The following PDE8A variants were observed in gnomAD, a reference collection of about 807,000 sequenced individuals.
The protein encoded by PDE8A is phosphodiesterase 8A, also known as high affinity cAMP-specific and IBMX-insensitive 3',5'-cyclic phosphodiesterase 8A.
Under a neutral mutation model 105.0 loss-of-function variants are expected in PDE8A, and 59 were observed. The ratio of observed to expected loss-of-function variants is 0.56; its 90% CI spans 0.46 to 0.70. PDE8A has a LOEUF of 0.70. Among genes scored for constraint, PDE8A ranks in the 30% least tolerant of loss-of-function variants. The probability of loss-of-function intolerance (pLI) is 0.00; values close to 1 mark genes in which losing one functional copy is unlikely to be tolerated. For missense variants in PDE8A, 1,014 were observed against 1,045.9 expected (o/e 0.97, Z 0.42); for synonymous variants, 355 against 371.9 (o/e 0.95, Z 0.52).
rs574823785 is a variant in PDE8A at position 85,123,804 on chromosome 15, ATTAT to A, written c.2085+615_2085+618del. On this transcript the variant is annotated intron_variant, in intron 19 of 21. Coordinates refer to ENST00000394553, the MANE Select transcript of PDE8A (RefSeq NM_002605.3). Reference sequence around the variant, plus strand: ...GAATTTAGTTTTTATTGGTTAAAAAATTATTTAAAGTGCAAAAACTTGGCAGGAA... The same window carrying A: ...GAATTTAGTTTTTATTGGTTAAAAAATTAAAGTGCAAAAACTTGGCAGGAA... Among the ~76,000 whole-genome samples, 454 of 152,354 alleles carry A rather than the reference ATTAT, an allele frequency of 3.0e-3. 3 individuals are homozygous for A. The highest frequency in any genetic ancestry group is 0.01 in the African/African-American group (429 of 41,580).
At chr15:85,025,654 A>G (rs1010117294) in intron 1 of PDE8A, among the ~76,000 whole-genome samples, 5 of 152,214 alleles carry the variant, frequency 3.3e-5, no homozygotes, top group African/African-American at 9.7e-5. Flanking sequence ...AAAGTTATTC[A>G]TTAATAGAAA....
intron 11 of PDE8A, among the ~76,000 whole-genome samples, chr15:85,102,253 A>T (rs2081875013): frequency 6.6e-6 from 1 of 152,162 alleles, no homozygotes; most frequent in Non-Finnish European, 1.5e-5. Flanking sequence ...CTGAAGCTGA[A>T]GGCGGGGAGA....
chr15:85,032,742 G>A (rs2080636178), intron 1 of PDE8A, among the ~76,000 whole-genome samples: 1 of 152,094 alleles, frequency 6.6e-6, no homozygotes, highest in South Asian at 2.1e-4. Flanking sequence ...GTGGAAAAAT[G>A]CATGGGAAAA....
intron 1 of PDE8A, among the ~76,000 whole-genome samples, chr15:85,053,911 T>A (rs1052964526): frequency 6.6e-6 from 1 of 152,256 alleles, no homozygotes; most frequent in Middle Eastern, 3.2e-3. Flanking sequence ...TCAAAGGGAA[T>A]GCTTCCAGTT....
At chr15:85,019,060 G>T (rs1307484294) in intron 1 of PDE8A, among the ~76,000 whole-genome samples, 1 of 152,190 alleles carries the variant, frequency 6.6e-6, no homozygotes, top group East Asian at 1.9e-4. Context: ...AAGCCTTGCT[G>T]CCTCCCTGCT....
At chr15:85,127,481 G>A (rs61176025) in intron 20 of PDE8A, among the ~76,000 whole-genome samples, 13,386 of 152,124 alleles carry the variant, frequency 0.088, 1,625 homozygotes, top group African/African-American at 0.28. Context: ...AATGTCATAG[G>A]ACACAGCTCA....
intron 1 of PDE8A, among the ~76,000 whole-genome samples, chr15:85,032,559 G>A (rs2080632785): frequency 6.6e-6 from 1 of 152,110 alleles, no homozygotes; most frequent in Admixed American, 6.6e-5. Flanking sequence ...CTAAAATGTG[G>A]AAAATTTGAT....
chr15:84,987,199 T>G (rs768993878), intron 1 of PDE8A, among the ~76,000 whole-genome samples: 2 of 152,242 alleles, frequency 1.3e-5, no homozygotes, highest in Non-Finnish European at 2.9e-5. Context: ...TTTCTTGAAT[T>G]CCTTTTACAT....
intron 8 of PDE8A, among the ~76,000 whole-genome samples, chr15:85,095,877 T>TTTAATATATATATATATATATATA (rs1567281626): frequency 4.4e-4 from 65 of 148,744 alleles, no homozygotes; most frequent in African/African-American, 1.6e-3. Context: ...TATATATATT[T>TTTAATATATATATATATATATATA]TTTTTATATA....
At chr15:85,013,281 C>A (rs536890841) in intron 1 of PDE8A, among the ~76,000 whole-genome samples, 1 of 152,174 alleles carries the variant, frequency 6.6e-6, no homozygotes, top group Non-Finnish European at 1.5e-5. Context: ...GTGGAAAGAA[C>A]AGAGACTTCC....
intron 5 of PDE8A, among the ~76,000 whole-genome samples, chr15:85,082,434 C>G (rs899854617): frequency 6.6e-6 from 1 of 152,076 alleles, no homozygotes; most frequent in Admixed American, 6.6e-5. Flanking sequence ...TATTATTTTT[C>G]TTGCTTTACA....
intron 1 of PDE8A, among the ~76,000 whole-genome samples, chr15:84,987,070 A>G (rs1176905210): frequency 6.6e-6 from 1 of 152,178 alleles, no homozygotes; most frequent in African/African-American, 2.4e-5. Flanking sequence ...GAAAAATGAG[A>G]CCAAACTTTC....
chr15:85,072,641 A>G (rs1251905842), intron 3 of PDE8A, among the ~76,000 whole-genome samples: 2 of 152,166 alleles, frequency 1.3e-5, no homozygotes, highest in Non-Finnish European at 1.5e-5. Flanking sequence ...AATAGTAGAG[A>G]AACACTGGTA....
At chr15:85,066,781 A>T (rs908411879) in intron 2 of PDE8A, among the ~76,000 whole-genome samples, 5 of 152,110 alleles carry the variant, frequency 3.3e-5, no homozygotes, top group African/African-American at 1.2e-4. Flanking sequence ...TCTACTAAAA[A>T]TACAAAAATT....
intron 3 of PDE8A, among the ~76,000 whole-genome samples, chr15:85,071,097 A>C (rs1290857015): frequency 6.6e-6 from 1 of 152,234 alleles, no homozygotes; most frequent in African/African-American, 2.4e-5. Context: ...GAGAACAGAA[A>C]AGGATAGGAA....
chr15:85,113,310 C>T (rs1397233161), intron 12 of PDE8A, 67 bp from the exon 13 acceptor site: 3 of 1,275,296 alleles, frequency 2.4e-6, no homozygotes, highest in Non-Finnish European at 3.4e-6. Flanking sequence ...GCACACTGAG[C>T]CCTCTGCTGT....
chr15:85,068,784 G>T (rs1219861075), intron 3 of PDE8A, among the ~76,000 whole-genome samples: 1 of 152,168 alleles, frequency 6.6e-6, no homozygotes, highest in Non-Finnish European at 1.5e-5. Flanking sequence ...ACAGGTATGT[G>T]CTAGGCAATG....
chr15:85,117,440 C>T (rs2082113312), intron 16 of PDE8A, among the ~76,000 whole-genome samples: 1 of 152,182 alleles, frequency 6.6e-6, no homozygotes. Context: ...CCAGCTCTCA[C>T]CCGTGCATCA....
At chr15:85,091,713 T>C (rs1402260745) in intron 8 of PDE8A, among the ~76,000 whole-genome samples, 14 of 152,168 alleles carry the variant, frequency 9.2e-5, no homozygotes, top group Admixed American at 2.0e-4. Flanking sequence ...GTAACTATTA[T>C]TCAATAATGT....
Sources: allele counts gnomAD v4.1 joint callset (sites outside exome capture counted in the v4.1 genomes callset), GRCh38; gene constraint gnomAD v4.1.1; transcripts MANE v1.5; gene names NCBI Gene and HGNC (gene_info 2026-07-23, HGNC 2026-07-21).